Variants in ATF7 observed in about 807,000 individuals in gnomAD.
ATF7 encodes the protein cyclic AMP-dependent transcription factor ATF-7.
A neutral mutation model predicts 50.4 loss-of-function variants in ATF7; 10 were observed. That is an observed-to-expected ratio of 0.20 (90% CI 0.12 to 0.34). ATF7 has a LOEUF of 0.34. Among genes scored for constraint, ATF7 ranks in the 10% least tolerant of loss-of-function variants. The pLI is 1.00. For synonymous variants in ATF7, 201 were observed against 226.4 expected, an observed-to-expected ratio of 0.89 and a Z score of 1.01; for missense variants, 465 against 613.9, an observed-to-expected ratio of 0.76 and a Z score of 2.56.
At chr12:53,527,645 G>A (rs909652428) in intron 9 of ATF7, among the ~76,000 whole-genome samples, 4 of 151,872 alleles carry the variant, frequency 2.6e-5, no homozygotes, top group Middle Eastern at 3.2e-3. Flanking sequence ...TCAGCTGGGC[G>A]TGGTGGTGCA....
intron 11 of ATF7, among the ~76,000 whole-genome samples, chr12:53,518,673 G>T (rs1199443826): frequency 2.0e-5 from 3 of 152,180 alleles, no homozygotes; most frequent in Admixed American, 1.3e-4. Context: ...TGCTTAAACA[G>T]AAATATGTGG....
intron 7 of ATF7, 132 bp from the exon 8 acceptor site, chr12:53,532,755 G>A (rs1938983469): frequency 1.6e-6 from 1 of 642,480 alleles, no homozygotes; most frequent in Admixed American, 2.8e-5. Flanking sequence ...TGCCCATAGG[G>A]CGTGCAGGGA....
chr12:53,531,677 C>A (rs954810525), intron 9 of ATF7, 67 bp downstream of exon 9: 11 of 1,464,098 alleles, frequency 7.5e-6, no homozygotes, highest in Non-Finnish European at 1.0e-5. Flanking sequence ...TTTTCTGCTC[C>A]TTGAACAATA....
intron 3 of ATF7, among the ~76,000 whole-genome samples, chr12:53,551,831 C>T (rs1225147782): frequency 6.6e-6 from 1 of 152,190 alleles, no homozygotes; most frequent in African/African-American, 2.4e-5. Context: ...ATCAGAACCT[C>T]TCATGGATCA....
chr12:53,601,821 C>T (rs969057260), intron 1 of ATF7, among the ~76,000 whole-genome samples: 16 of 152,184 alleles, frequency 1.1e-4, no homozygotes, highest in African/African-American at 3.9e-4. Flanking sequence ...ATGTGTGCTG[C>T]TGCAGGGGAT....
chr12:53,521,876 AAAATTT>A (rs1243564828), intron 11 of ATF7, among the ~76,000 whole-genome samples: 2 of 152,360 alleles, frequency 1.3e-5, no homozygotes, highest in African/African-American at 2.4e-5. Flanking sequence ...TATTAAAATT[AAAATTT>A]AAGTAGAGAT....
chr12:53,612,457 A>G (rs932175193), intron 1 of ATF7, among the ~76,000 whole-genome samples: 1 of 152,030 alleles, frequency 6.6e-6, no homozygotes. Context: ...TATTTTTAGT[A>G]GACATGGGGT....
chr12:53,549,222 G>C (rs1189399388), intron 3 of ATF7, among the ~76,000 whole-genome samples: 1 of 150,192 alleles, frequency 6.7e-6, no homozygotes, highest in Non-Finnish European at 1.5e-5. Flanking sequence ...GGGAAGCGCA[G>C]CTTGCAATGA....
chr12:53,534,394 T>G, intron 6 of ATF7, 108 bp downstream of exon 6: 1 of 1,483,688 alleles, frequency 6.7e-7, no homozygotes, highest in South Asian at 1.1e-5. Context: ...ATAATCTCAG[T>G]GACTTATTTT....
At chr12:53,589,557 C>T (rs999136265) in intron 2 of ATF7, among the ~76,000 whole-genome samples, 1 of 152,158 alleles carries the variant, frequency 6.6e-6, no homozygotes, top group African/African-American at 2.4e-5. Context: ...TTAACCCTGA[C>T]CACCATGCTA....
At chr12:53,625,596 T>C (rs1396240787) in intron 1 of ATF7, among the ~76,000 whole-genome samples, 1 of 152,222 alleles carries the variant, frequency 6.6e-6, no homozygotes, top group Non-Finnish European at 1.5e-5. Context: ...TTCTCTCTGA[T>C]ATCATGTCCC....
chr12:53,551,739 T>C (rs1257995888), intron 3 of ATF7, among the ~76,000 whole-genome samples: 1 of 152,226 alleles, frequency 6.6e-6, no homozygotes, highest in Non-Finnish European at 1.5e-5. Flanking sequence ...GTGTCTTATA[T>C]GAGTTATTAA....
chr12:53,626,362 ACGGATACTTTCCTCC>A lies in ATF7; in HGVS notation c.-120_-106del, dbSNP rs1435252702. 1 of 152,760 alleles carries A rather than the reference ACGGATACTTTCCTCC, an allele frequency of 6.5e-6. No homozygotes were observed. Among genetic ancestry groups the A allele is most frequent in the Non-Finnish European group, 1.5e-5 (1 of 68,148 alleles). 9.5% of individuals were successfully genotyped at this position (152,760 alleles called of 1,614,324 possible). ...GCTCCTCCTTTCCCCCCTTGGCGGA[ACGGATACTTTCCTCC>A]CGTCCGGCCAGGCGCGCTCAACTCT... On this transcript the variant is annotated 5_prime_UTR_variant, in exon 1 of 12. Transcript: ENST00000420353.
Position 53,532,557 on chromosome 12 carries a change from C to T in ATF7, c.727G>A (p.Gly243Ser). 1 of 1,608,922 alleles carries T rather than the reference C, an allele frequency of 6.2e-7. No individual in the cohort carries two copies. Among genetic ancestry groups the T allele is most frequent in the African/African-American group, 1.3e-5 (1 of 74,882 alleles). ...GGGTGGCCAGAGGGAGAAATGGAGCCACTACTGTTAACTGGTGGGCCAGGG... is the reference window on the plus strand; with the variant it reads ...GGGTGGCCAGAGGGAGAAATGGAGCTACTACTGTTAACTGGTGGGCCAGGG... Reference protein sequence around the residue: ...GIPGPPVNSSGSISPSGHPIP... With the variant: ...GIPGPPVNSSSSISPSGHPIP... Residue 243 changes from glycine to serine, a missense_variant, in exon 8 of 12, where the codon GGC becomes AGC. Coordinates refer to ENST00000420353, the MANE Select transcript of ATF7 (RefSeq NM_006856.3).
At chr12:53,519,896 G>A (rs1365652926) in intron 11 of ATF7, among the ~76,000 whole-genome samples, 1 of 151,914 alleles carries the variant, frequency 6.6e-6, no homozygotes, top group East Asian at 1.9e-4. Context: ...ACAGATGCAC[G>A]CCACCATGCC....
Position 53,537,474 on chromosome 12 carries a change from C to T in ATF7, c.343G>A (p.Asp115Asn). The change falls in exon 5 of 12, where the codon GAC becomes AAC. Residue 115 changes from aspartate to asparagine, a missense_variant. Coordinates refer to ENST00000420353, the MANE Select transcript of ATF7 (RefSeq NM_006856.3). ...GCAGGGCTATCAGGTGGGGATGAGTCTACCTCCACTGGCTCTTCTTCTTTG... is the reference window on the plus strand; with the variant it reads ...GCAGGGCTATCAGGTGGGGATGAGTTTACCTCCACTGGCTCTTCTTCTTTG... ...KIKEEEPVEV[D>N]SSPPDSPASS... is the part of the protein sequence containing the mutation. 1 of 1,613,782 alleles carries T rather than the reference C, an allele frequency of 6.2e-7. No individual in the cohort carries two copies. The highest frequency in any genetic ancestry group is 2.2e-5 in the East Asian group (1 of 44,890).
intron 6 of ATF7, among the ~76,000 whole-genome samples, chr12:53,533,658 C>T (rs1233280277): frequency 6.6e-6 from 1 of 152,168 alleles, no homozygotes; most frequent in Non-Finnish European, 1.5e-5. Context: ...CCATGGCTTG[C>T]TCTACCCTGC....
chr12:53,523,191 G>T, intron 11 of ATF7, 85 bp downstream of exon 11: 1 of 1,018,514 alleles, frequency 9.8e-7, no homozygotes, highest in Non-Finnish European at 1.5e-6. Flanking sequence ...ATTCAGAATG[G>T]AGTTATAAAA....
intron 2 of ATF7, among the ~76,000 whole-genome samples, chr12:53,579,790 G>C (rs1432082437): frequency 6.6e-6 from 1 of 152,160 alleles, no homozygotes; most frequent in East Asian, 1.9e-4. Context: ...AAGCCTGCCA[G>C]CATGTATGTT....
Sources: allele counts gnomAD v4.1 joint callset (sites outside exome capture counted in the v4.1 genomes callset), GRCh38; gene constraint gnomAD v4.1.1; transcripts MANE v1.5; gene names NCBI Gene and HGNC (gene_info 2026-07-23, HGNC 2026-07-21).